The following FNDC5 variants were observed in gnomAD, a reference collection of about 807,000 sequenced individuals.
FNDC5 encodes the protein fibronectin type III domain-containing protein 5.
A neutral mutation model predicts 24.6 loss-of-function variants in FNDC5; 10 were observed. The ratio of observed to expected loss-of-function variants is 0.41; its 90% confidence interval spans 0.25 to 0.69. The LOEUF is 0.69. Among genes scored for constraint, FNDC5 ranks in the 30% least tolerant of loss-of-function variants. FNDC5 has a pLI of 0.34. For missense variants in FNDC5, 226 were observed against 282.9 expected (o/e 0.80, Z 1.44); for synonymous variants, 90 against 110.7 (o/e 0.81, Z 1.18).
rs1207757132 is a variant in FNDC5 at position 32,870,840 on chromosome 1, CGG to C, written c.-96_-95del. 7.5e-6 allele frequency: 2 copies of C among 267,370 alleles called. No individual in the cohort carries two copies. Among genetic ancestry groups the C allele is most frequent in the African/African-American group, 4.8e-5 (2 of 41,750 alleles). 16.6% of individuals were successfully genotyped at this position (267,370 alleles called of 1,614,324 possible). A position where few individuals can be genotyped will look rare whatever the true frequency, so the allele number is the denominator to read the frequency against. On this transcript the variant is annotated 5_prime_UTR_variant, in exon 1 of 6. Coordinates refer to ENST00000373471, the MANE Select transcript of FNDC5 (RefSeq NM_153756.3). ...CGCGCTCGCGCTCCGGCCCCCGGCCCGGCCGGCCCGGCCGCTCCGGCCGCCCT... is the reference window on the plus strand; with the variant it reads ...CGCGCTCGCGCTCCGGCCCCCGGCCCCCGGCCCGGCCGCTCCGGCCGCCCT...
chr1:32,867,210 GA>G (rs1641087318), intron 4 of FNDC5, among the ~76,000 whole-genome samples: 1 of 152,192 alleles, frequency 6.6e-6, no homozygotes, highest in Non-Finnish European at 1.5e-5. Context: ...GAGGGTTAAA[GA>G]AGGGCTAAAG....
At chr1:32,871,389 G>A (rs1415515843), upstream of FNDC5, among the ~76,000 whole-genome samples, 1 of 152,168 alleles carries the variant, frequency 6.6e-6, no homozygotes, top group Non-Finnish European at 1.5e-5. Context: ...GTGGACACTA[G>A]GGCTCCGTGT....
chr1:32,864,344 G>A, intron 5 of FNDC5, 45 bp from the exon 6 acceptor site: 1 of 1,610,778 alleles, frequency 6.2e-7, no homozygotes, highest in South Asian at 1.1e-5. Context: ...TAAAGCACCT[G>A]CCCAAGGTCA....
chr1:32,866,256 C>T, intron 4 of FNDC5, among the ~76,000 whole-genome samples: 1 of 152,222 alleles, frequency 6.6e-6, no homozygotes, highest in Non-Finnish European at 1.5e-5. Context: ...TTTGTACAAC[C>T]CTTTGTTTTT....
chr1:32,866,700 A>AGAAAAT (rs1454277290), intron 4 of FNDC5, among the ~76,000 whole-genome samples: 1 of 152,150 alleles, frequency 6.6e-6, no homozygotes, highest in Non-Finnish European at 1.5e-5. Context: ...GTTCAGCCCA[A>AGAAAAT]GAAAATGAAA....
At chr1:32,866,651 G>C (rs980975175) in intron 4 of FNDC5, among the ~76,000 whole-genome samples, 1 of 151,658 alleles carries the variant, frequency 6.6e-6, no homozygotes. Flanking sequence ...CTCCTACATG[G>C]TACTATCATA....
intron 5 of FNDC5, 144 bp from the exon 6 acceptor site, chr1:32,864,443 T>G: frequency 1.1e-6 from 1 of 916,836 alleles, no homozygotes; most frequent in African/African-American, 1.8e-5. Context: ...ACTCACTGCT[T>G]TTTTTTTTTT....
At chr1:32,865,396 G>C (rs1479462310) in intron 4 of FNDC5, among the ~76,000 whole-genome samples, 2 of 150,422 alleles carry the variant, frequency 1.3e-5, no homozygotes. Context: ...ACCATGCCCG[G>C]CAATCCCAGC....
chr1:32,872,441 G>A (rs563605105), upstream of FNDC5: 1 of 152,814 alleles, frequency 6.5e-6, no homozygotes, highest in East Asian at 1.9e-4. Flanking sequence ...TTTGGGAGAA[G>A]AGCCCCGGAG....
chr1:32,868,736 CA>C lies in FNDC5; in HGVS notation c.210+145del. On this transcript the variant is annotated intron_variant, in intron 2 of 5. Coordinates refer to ENST00000373471, the MANE Select transcript of FNDC5 (RefSeq NM_153756.3). The surrounding 1 kb of genome is among the most constrained non-coding windows in gnomAD (Gnocchi z 4.8). ...TCTGAATGGGGCCCCAATTTTCAGA[CA>C]TATGTCCAAATTGCTGTTCATCTCC... The C allele has an allele frequency of 1.7e-6, 1 of 574,510 alleles. No homozygotes were observed. Among genetic ancestry groups the C allele is most frequent in the East Asian group, 3.1e-5 (1 of 32,716 alleles). The allele number at this position is 574,510 out of a possible 1,614,324, so 35.6% of individuals were successfully genotyped here.
In FNDC5 at chr1:32,868,146, C is replaced by T. The variant is rs765148360; in HGVS notation, c.409+44G>A. 3 of 1,604,120 alleles carry T rather than the reference C, an allele frequency of 1.9e-6. No individual in the cohort carries two copies. Among genetic ancestry groups the T allele is most frequent in the African/African-American group, 2.7e-5 (2 of 74,766 alleles). On this transcript the variant is annotated intron_variant, in intron 3 of 5. Transcript: ENST00000373471. The surrounding 1 kb of genome is among the most constrained non-coding windows in gnomAD (Gnocchi z 4.8). ...CCACCCACTGGTCTGGTCCTGACCA[C>T]CCCTCACCCCACCCCATTCCTCTTA...
At chr1:32,866,635 T>C (rs1164598118) in intron 4 of FNDC5, among the ~76,000 whole-genome samples, 1 of 152,130 alleles carries the variant, frequency 6.6e-6, no homozygotes, top group Non-Finnish European at 1.5e-5. Context: ...TTCCCTCTCC[T>C]CTGCTCTCCT....
At chr1:32,872,086 G>A (rs996527150), upstream of FNDC5, among the ~76,000 whole-genome samples, 4 of 152,212 alleles carry the variant, frequency 2.6e-5, no homozygotes, top group African/African-American at 9.6e-5. Context: ...AACGTCTTCA[G>A]GGTCTTCCTC....
upstream of FNDC5, among the ~76,000 whole-genome samples, chr1:32,871,233 G>A (rs185658479): frequency 6.6e-6 from 1 of 152,038 alleles, no homozygotes; most frequent in African/African-American, 2.4e-5. Context: ...CGAGATGCCC[G>A]TTTGTGCCCC....
rs753436209 is a variant in FNDC5 at position 32,864,274 on chromosome 1, G to C, written c.*20C>G. The C allele has an allele frequency of 6.2e-7, 1 of 1,614,168 alleles. No individual in the cohort carries two copies. The highest frequency in any genetic ancestry group is 1.3e-5 in the African/African-American group (1 of 75,026). On this transcript the variant is annotated 3_prime_UTR_variant, in exon 6 of 6. Transcript: ENST00000373471. ...ACTGTCTGTCTTCTTAGCTGCTGAG[G>C]GCAAGCACTGAAAAGGTTTTCATAT...
chr1:32,864,136 G>A lies in FNDC5; in HGVS notation c.*158C>T. 1 of 1,548,596 alleles carries A rather than the reference G, an allele frequency of 6.5e-7. No homozygotes were observed. Among genetic ancestry groups the A allele is most frequent in the Non-Finnish European group, 8.7e-7 (1 of 1,148,540 alleles). On this transcript the variant is annotated 3_prime_UTR_variant, in exon 6 of 6. Transcript: ENST00000373471. ...TAAGAGGCTTCAGGAAAGTGCGCCA[G>A]AGAGAGGACAGTAAGCCAGAGGGTA...
At chr1:32,872,143 A>G (rs1399499435), upstream of FNDC5, among the ~76,000 whole-genome samples, 1 of 152,128 alleles carries the variant, frequency 6.6e-6, no homozygotes, top group Non-Finnish European at 1.5e-5. Flanking sequence ...TACCGATGGG[A>G]AGAGCTTGGT....
chr1:32,866,573 A>C (rs907079922), intron 4 of FNDC5, among the ~76,000 whole-genome samples: 1 of 152,046 alleles, frequency 6.6e-6, no homozygotes, highest in Non-Finnish European at 1.5e-5. Context: ...TCAAAGCTCA[A>C]TTCCCATGTT....
upstream of FNDC5, among the ~76,000 whole-genome samples, chr1:32,871,895 G>C (rs1212363340): frequency 6.6e-6 from 1 of 152,188 alleles, no homozygotes; most frequent in Admixed American, 6.5e-5. Flanking sequence ...AGGTGGAGGA[G>C]AGAGGCATGG....
Sources: allele counts gnomAD v4.1 joint callset (sites outside exome capture counted in the v4.1 genomes callset), GRCh38; gene constraint gnomAD v4.1.1; non-coding constraint Gnocchi (gnomAD v3.1); transcripts MANE v1.5; gene names NCBI Gene and HGNC (gene_info 2026-07-23, HGNC 2026-07-21).